TUSC3: variants seen among roughly 807,000 people sequenced by gnomAD.
TUSC3 encodes dolichyl-diphosphooligosaccharide--protein glycosyltransferase subunit TUSC3.
A neutral mutation model predicts 44.8 loss-of-function variants in TUSC3; 45 were observed. That is an observed-to-expected ratio of 1.00 (90% CI 0.79 to 1.29). The LOEUF is 1.29. Among genes scored for constraint, TUSC3 ranks in the 50% most tolerant of loss-of-function variants. The pLI is 0.00. For missense variants in TUSC3, 519 were observed against 437.9 expected, an observed-to-expected ratio of 1.19 and a Z score of -1.65; for synonymous variants, 212 against 152.9, an observed-to-expected ratio of 1.39 and a Z score of -2.85.
intron 1 of TUSC3, among the ~76,000 whole-genome samples, chr8:15,613,182 A>C (rs921727043): frequency 6.7e-6 from 1 of 149,612 alleles, no homozygotes; most frequent in African/African-American, 2.5e-5. Flanking sequence ...GATCTGTCTT[A>C]TTTGTGCCAA....
intron 1 of TUSC3, among the ~76,000 whole-genome samples, chr8:15,563,636 G>A (rs529956936): frequency 1.3e-3 from 183 of 140,746 alleles, no homozygotes; most frequent in Admixed American, 2.8e-3. Flanking sequence ...CAGTGAGCCC[G>A]GATTGTGCCA....
At chr8:15,827,364 G>T in the TUSC3 span, among the ~76,000 whole-genome samples, 1 of 152,082 alleles carries the variant, frequency 6.6e-6, no homozygotes, top group Non-Finnish European at 1.5e-5. Context: ...TGTCATATAT[G>T]ATATTCATGA....
intron 1 of TUSC3, among the ~76,000 whole-genome samples, chr8:15,457,720 C>G (rs1033240574): frequency 2.1e-5 from 3 of 145,898 alleles, no homozygotes; most frequent in South Asian, 2.2e-4. Flanking sequence ...AAATAATAAT[C>G]TAATAAAATA....
intron 1 of TUSC3, among the ~76,000 whole-genome samples, chr8:15,445,139 G>A (rs955802367): frequency 2.0e-5 from 3 of 152,098 alleles, no homozygotes; most frequent in Non-Finnish European, 4.4e-5. Context: ...TAGAAAGCAG[G>A]AAAAAGGAAA....
At position 15,550,337 on chromosome 8, in the gene TUSC3, A is replaced by G. The variant is rs757591702; in HGVS notation, c.138+9769A>G. Among the ~76,000 whole-genome samples, 12 of 151,846 alleles carry G rather than the reference A, an allele frequency of 7.9e-5. 1 individual carries two copies. The highest frequency in any genetic ancestry group is 1.6e-4 in the Non-Finnish European group (11 of 67,914). ...TCAGCTTGGCTTTCCATTGACAGCCACATGAGTTGCATGCTTAGATGTTGG... is the reference window on the plus strand; with the variant it reads ...TCAGCTTGGCTTTCCATTGACAGCCGCATGAGTTGCATGCTTAGATGTTGG... On this transcript the variant is annotated intron_variant, in intron 1 of 10. Transcript: ENST00000503731.
At chr8:15,821,491 T>G in the TUSC3 span, among the ~76,000 whole-genome samples, 3 of 151,910 alleles carry the variant, frequency 2.0e-5, no homozygotes, top group Non-Finnish European at 4.4e-5. Context: ...AATCTCAGCC[T>G]TATACTGATT....
chr8:15,593,408 C>G (rs1461072548), intron 1 of TUSC3, among the ~76,000 whole-genome samples: 1 of 152,128 alleles, frequency 6.6e-6, no homozygotes, highest in Non-Finnish European at 1.5e-5. Flanking sequence ...TGCTTTTAAA[C>G]AATGTTTATC....
At chr8:15,787,425 GATT>G in the TUSC3 span, among the ~76,000 whole-genome samples, 2 of 152,204 alleles carry the variant, frequency 1.3e-5, no homozygotes, top group African/African-American at 4.8e-5. Flanking sequence ...CCCGTCAACA[GATT>G]ATATATTTAT....
chr8:15,719,337 A>G (rs1187780833), intron 6 of TUSC3, among the ~76,000 whole-genome samples: 1 of 151,942 alleles, frequency 6.6e-6, no homozygotes, highest in African/African-American at 2.4e-5. Flanking sequence ...CCTTGTTCAC[A>G]ACTGTGCTCA....
chr8:15,795,553 C>T, the TUSC3 span, among the ~76,000 whole-genome samples: 1 of 152,132 alleles, frequency 6.6e-6, no homozygotes, highest in Non-Finnish European at 1.5e-5. Context: ...TCTTTGAGGT[C>T]ATCTGTGAAC....
chr8:15,845,271 T>G, the TUSC3 span, among the ~76,000 whole-genome samples: 9 of 152,154 alleles, frequency 5.9e-5, no homozygotes, highest in African/African-American at 2.2e-4. Flanking sequence ...CATGTGACCC[T>G]GCGCAAGGCA....
At chr8:15,544,488 T>A (rs947631276) in intron 1 of TUSC3, among the ~76,000 whole-genome samples, 1 of 151,778 alleles carries the variant, frequency 6.6e-6, no homozygotes, top group African/African-American at 2.4e-5. Context: ...TATGAAAAAT[T>A]GAAGAGCTCA....
intron 7 of TUSC3, among the ~76,000 whole-genome samples, chr8:15,740,947 C>T (rs1020548706): frequency 6.6e-6 from 1 of 151,968 alleles, no homozygotes; most frequent in African/African-American, 2.4e-5. Context: ...TTTCTGTTAC[C>T]ACATTGTTTG....
At chr8:15,703,633 T>C (rs367874170) in intron 6 of TUSC3, among the ~76,000 whole-genome samples, 68 of 152,240 alleles carry the variant, frequency 4.5e-4, no homozygotes, top group African/African-American at 1.6e-3. Flanking sequence ...CTCAAGCTGC[T>C]TCCACTCATA....
chr8:15,595,406 G>C (rs1057373442), intron 1 of TUSC3, among the ~76,000 whole-genome samples: 4 of 152,086 alleles, frequency 2.6e-5, no homozygotes, highest in Non-Finnish European at 5.9e-5. Flanking sequence ...GGAGTCAGCT[G>C]GTCTCTGCCT....
At chr8:15,742,380 C>G (rs923896627) in intron 7 of TUSC3, among the ~76,000 whole-genome samples, 1 of 152,096 alleles carries the variant, frequency 6.6e-6, no homozygotes, top group Non-Finnish European at 1.5e-5. Flanking sequence ...AAATGCCTTA[C>G]TAGAGAAGTC....
intron 2 of TUSC3, among the ~76,000 whole-genome samples, chr8:15,494,762 A>G (rs1173202866): frequency 6.6e-6 from 1 of 152,228 alleles, no homozygotes; most frequent in African/African-American, 2.4e-5. Context: ...GTATTATGAC[A>G]AAGGGTGAAA....
At chr8:15,851,345 A>G in the TUSC3 span, among the ~76,000 whole-genome samples, 1 of 152,208 alleles carries the variant, frequency 6.6e-6, no homozygotes, top group East Asian at 1.9e-4. Flanking sequence ...TTCTAGAGAA[A>G]AAGGGACAAT....
At chr8:15,466,342 A>G (rs1398567168) in intron 1 of TUSC3, among the ~76,000 whole-genome samples, 2 of 152,156 alleles carry the variant, frequency 1.3e-5, no homozygotes, top group African/African-American at 4.8e-5. Context: ...ATTATTGCAC[A>G]GAACCTTAAT....
Sources: allele counts gnomAD v4.1 joint callset (sites outside exome capture counted in the v4.1 genomes callset), GRCh38; gene constraint gnomAD v4.1.1; transcripts MANE v1.5; gene names NCBI Gene and HGNC (gene_info 2026-07-23, HGNC 2026-07-21).